Variants in ERG observed in about 807,000 individuals in gnomAD.
ERG encodes transcriptional regulator ERG.
A neutral mutation model predicts 55.3 loss-of-function variants in ERG; 9 were observed. The ratio of observed to expected loss-of-function variants is 0.16; its 90% CI spans 0.10 to 0.28. The LOEUF is 0.28. Ranked by LOEUF, ERG falls within the 10% of genes least tolerant of loss-of-function variation. ERG has a pLI of 1.00. For synonymous variants in ERG, 223 were observed against 237.3 expected, an observed-to-expected ratio of 0.94 and a Z score of 0.55; for missense variants, 434 against 631.6, an observed-to-expected ratio of 0.69 and a Z score of 3.35.
At chr21:38,415,347 A>C (rs1020365218) in intron 3 of ERG, among the ~76,000 whole-genome samples, 2 of 152,252 alleles carry the variant, frequency 1.3e-5, no homozygotes, top group Admixed American at 1.3e-4. Context: ...ACAACAGTGC[A>C]TATCAATAGA....
intron 1 of ERG, among the ~76,000 whole-genome samples, chr21:38,646,123 A>G (rs531654342): frequency 6.6e-6 from 1 of 152,190 alleles, no homozygotes; most frequent in South Asian, 2.1e-4. Context: ...TACTAAAAAT[A>G]TTAAAAAATC....
chr21:38,436,184 T>TA (rs2058788129), intron 2 of ERG, among the ~76,000 whole-genome samples: 1 of 151,342 alleles, frequency 6.6e-6, no homozygotes, highest in African/African-American at 2.4e-5. Flanking sequence ...TTTTAATATA[T>TA]ATTTTTAGTA....
chr21:38,577,253 C>T (rs2060000193), intron 1 of ERG, among the ~76,000 whole-genome samples: 1 of 152,184 alleles, frequency 6.6e-6, no homozygotes, highest in Admixed American at 6.5e-5. Context: ...TACAGGCACA[C>T]CCATTCCAAC....
At chr21:38,489,597 C>T (rs1341763770) in intron 1 of ERG, among the ~76,000 whole-genome samples, 3 of 152,228 alleles carry the variant, frequency 2.0e-5, no homozygotes, top group Admixed American at 6.5e-5. Context: ...CTTATTTTTA[C>T]GTGACTATAA....
intron 2 of ERG, among the ~76,000 whole-genome samples, chr21:38,538,190 T>C (rs1480114218): frequency 1.3e-5 from 2 of 152,138 alleles, no homozygotes; most frequent in Non-Finnish European, 2.9e-5. Context: ...TGGAAAGCTA[T>C]TGTTTAATGG....
At chr21:38,575,004 T>C (rs988583811) in intron 2 of ERG, among the ~76,000 whole-genome samples, 55 of 152,146 alleles carry the variant, frequency 3.6e-4, no homozygotes, top group African/African-American at 1.3e-3. Context: ...ATGTGTAGTG[T>C]CAAAATAAAT....
chr21:38,539,119 T>A (rs1270941856), intron 2 of ERG, among the ~76,000 whole-genome samples: 1 of 152,244 alleles, frequency 6.6e-6, no homozygotes, highest in Non-Finnish European at 1.5e-5. Flanking sequence ...GGCTGTAAAC[T>A]AATGCATAAT....
At chr21:38,500,277 G>T (rs1047611505), upstream of ERG, among the ~76,000 whole-genome samples, 20 of 152,194 alleles carry the variant, frequency 1.3e-4, no homozygotes, top group African/African-American at 4.3e-4. Context: ...AATAGCCACG[G>T]AAGAAAATCC....
chr21:38,378,999 C>G (rs1987315861), downstream of ERG, among the ~76,000 whole-genome samples: 1 of 152,154 alleles, frequency 6.6e-6, no homozygotes, highest in Admixed American at 6.5e-5. Flanking sequence ...CTAGTCATGG[C>G]TCATTAAAAG....
At chr21:38,373,785 C>T in the ERG span, among the ~76,000 whole-genome samples, 1 of 152,136 alleles carries the variant, frequency 6.6e-6, no homozygotes, top group African/African-American at 2.4e-5. Context: ...TAGATCAAAT[C>T]TTTGTTGTGA....
Position 38,403,716 on chromosome 21 carries a change from G to A in ERG, c.389-7C>T. The A allele has an allele frequency of 6.2e-7, 1 of 1,613,816 alleles. No homozygotes were observed. Among genetic ancestry groups the A allele is most frequent in the Non-Finnish European group, 8.5e-7 (1 of 1,179,744 alleles). ...GTACTCCATAGCGTAGGATCTGAAA[G>A]GGGTGGGAACACATTCAGTCAATTC... On this transcript the variant is annotated splice_region_variant and splice_polypyrimidine_tract_variant and intron_variant, in intron 3 of 9. Transcript: ENST00000288319.
At chr21:38,437,438 C>T (rs12481820) in intron 2 of ERG, among the ~76,000 whole-genome samples, 32,493 of 152,130 alleles carry the variant, frequency 0.21, 3,624 homozygotes, top group African/African-American at 0.26. Context: ...AGCAGAAACA[C>T]GAGCATTGGC....
At chr21:38,450,334 C>T (rs1266264351) in intron 1 of ERG, among the ~76,000 whole-genome samples, 1 of 151,806 alleles carries the variant, frequency 6.6e-6, no homozygotes, top group African/African-American at 2.4e-5. Flanking sequence ...GCCGGGATCA[C>T]GCGACTGCAC....
rs140345128 is a variant in ERG at position 38,534,552 on chromosome 21, TA to T, written c.-41+41109del. Reference sequence around the variant, plus strand: ...CTATTAGGATGGCTACTATGAAATATAAAAAAAATTAAAAATAACAATGGTG... The same window carrying T: ...CTATTAGGATGGCTACTATGAAATATAAAAAAATTAAAAATAACAATGGTG... On this transcript the variant is annotated intron_variant, in intron 2 of 8. Transcript: ENST00000398897. 4.8e-3 allele frequency among the ~76,000 whole-genome samples: 730 copies of T among 151,650 alleles called. 5 individuals carry two copies. The highest frequency in any genetic ancestry group is 0.016 in the African/African-American group (673 of 41,312).
chr21:38,500,359 A>T (rs1229923153), upstream of ERG, among the ~76,000 whole-genome samples: 1 of 152,240 alleles, frequency 6.6e-6, no homozygotes, highest in Non-Finnish European at 1.5e-5. Flanking sequence ...AGCAGGAAAG[A>T]TCAGCATTTC....
chr21:38,660,962 T>G (rs1163937905), intron 1 of ERG, among the ~76,000 whole-genome samples: 2 of 151,808 alleles, frequency 1.3e-5, no homozygotes, highest in Non-Finnish European at 2.9e-5. Flanking sequence ...CGCGCCCTGC[T>G]CGGGTTTAGG....
chr21:38,502,210 C>T (rs2059426242), upstream of ERG, among the ~76,000 whole-genome samples: 1 of 152,198 alleles, frequency 6.6e-6, no homozygotes, highest in African/African-American at 2.4e-5. Context: ...GCCCTTCCTC[C>T]TCAAAAACAT....
At chr21:38,507,237 G>A (rs1206490040) in intron 2 of ERG, among the ~76,000 whole-genome samples, 1 of 152,200 alleles carries the variant, frequency 6.6e-6, no homozygotes, top group African/African-American at 2.4e-5. Context: ...CTGGAGGCGG[G>A]GAGCCTTCGT....
chr21:38,638,280 G>C (rs1023563023), intron 1 of ERG, among the ~76,000 whole-genome samples: 14 of 152,214 alleles, frequency 9.2e-5, no homozygotes, highest in African/African-American at 3.4e-4. Flanking sequence ...AGGATTTGGG[G>C]AGTTAATCCA....
Sources: gnomAD v4.1 joint callset for allele counts (sites outside exome capture counted in the v4.1 genomes callset) on GRCh38, gnomAD v4.1.1 for gene constraint, MANE v1.5 for transcripts, NCBI Gene and HGNC (gene_info 2026-07-23, HGNC 2026-07-21) for gene names.